DSG2: variants seen among roughly 807,000 people sequenced by gnomAD.
DSG2 encodes the protein desmoglein-2.
In DSG2, 45 loss-of-function variants were observed where a neutral mutation model predicts 75.6. The observed-to-expected ratio is 0.60, with a 90% CI of 0.47 to 0.76. The LOEUF (loss-of-function observed/expected upper bound fraction) is 0.76. Ranked by LOEUF, DSG2 falls within the 30% of genes least tolerant of loss-of-function variation. The probability of loss-of-function intolerance (pLI) is 0.00; values close to 1 mark genes in which losing one functional copy is unlikely to be tolerated. For synonymous variants in DSG2, 429 were observed against 483.9 expected, an observed-to-expected ratio of 0.89 and a Z score of 1.49; for missense variants, 1,267 against 1,357.4, an observed-to-expected ratio of 0.93 and a Z score of 1.05.
Position 31,541,231 on chromosome 18 carries a change from G to T in DSG2, c.1918G>T (p.Gly640Cys), listed in dbSNP as rs2144350648. 1 of 1,614,178 alleles carries T rather than the reference G, an allele frequency of 6.2e-7. No homozygotes were observed. Among genetic ancestry groups the T allele is most frequent in the South Asian group, 1.1e-5 (1 of 91,084 alleles). ...ACTGCTGATGTGCCATTGCGGAAAGGGCGCCAAAGGCTTTACCCCCATACC... is the reference window on the plus strand; with the variant it reads ...ACTGCTGATGTGCCATTGCGGAAAGTGCGCCAAAGGCTTTACCCCCATACC... ...LLLLMCHCGK[G>C]AKGFTPIPGT... Residue 640 changes from glycine (G) to cysteine (C), a missense_variant, in exon 13 of 15, where the codon GGC becomes TGC. Gly to Cys is a radical substitution (Grantham distance 159, BLOSUM62 -3). Coordinates refer to ENST00000261590, the MANE Select transcript of DSG2 (RefSeq NM_001943.5).
intron 8 of DSG2, among the ~76,000 whole-genome samples, 160 bp downstream of exon 8, chr18:31,525,048 G>A (rs543368928): frequency 5.9e-5 from 9 of 152,310 alleles, no homozygotes; most frequent in East Asian, 1.9e-4. Flanking sequence ...CAAGTTCTGT[G>A]GTTAGGAAGT....
Position 31,521,178 on chromosome 18 carries a change from A to G in DSG2, c.458A>G (p.Asn153Ser), listed in dbSNP as rs375597675. Reference sequence around the variant, plus strand: ...CTACGCATTAAGGTTCTTGATATCAATGACAACGAACCAGTGTTCACACAG... The same window carrying G: ...CTACGCATTAAGGTTCTTGATATCAGTGACAACGAACCAGTGTTCACACAG... ...LELRIKVLDI[N>S]DNEPVFTQDV... The change falls in exon 5 of 15, where the codon AAT becomes AGT. Residue 153 changes from asparagine (N) to serine (S), a missense_variant. By Grantham distance (46) the Asn-to-Ser change is conservative (BLOSUM62 1). Coordinates refer to ENST00000261590, the MANE Select transcript of DSG2 (RefSeq NM_001943.5). 3 of 1,613,850 alleles carry G rather than the reference A, an allele frequency of 1.9e-6. No individual in the cohort carries two copies. Among genetic ancestry groups the G allele is most frequent in the African/African-American group, 2.7e-5 (2 of 74,882 alleles).
At chr18:31,499,500 C>T (rs1451691291) in intron 1 of DSG2, among the ~76,000 whole-genome samples, 2 of 152,100 alleles carry the variant, frequency 1.3e-5, no homozygotes, top group Admixed American at 6.5e-5. Context: ...CATTTTCATG[C>T]TCTATTTATC....
At chr18:31,514,234 A>T (rs190222923) in intron 1 of DSG2, among the ~76,000 whole-genome samples, 47 of 152,338 alleles carry the variant, frequency 3.1e-4, no homozygotes, top group African/African-American at 1.1e-3. Context: ...ATATGAGGAA[A>T]TTGGAGAAAG....
chr18:31,533,611 T>A (rs1453736480), intron 9 of DSG2, among the ~76,000 whole-genome samples: 2 of 152,242 alleles, frequency 1.3e-5, no homozygotes, highest in African/African-American at 4.8e-5. Flanking sequence ...CATTGTGAAA[T>A]GTAATCCCTA....
At chr18:31,526,666 G>T (rs2073164662) in intron 8 of DSG2, among the ~76,000 whole-genome samples, 1 of 152,172 alleles carries the variant, frequency 6.6e-6, no homozygotes, top group African/African-American at 2.4e-5. Flanking sequence ...GAAACAGTCA[G>T]ATATTGATGA....
intron 1 of DSG2, among the ~76,000 whole-genome samples, chr18:31,517,322 T>G (rs2073099838): frequency 6.6e-6 from 1 of 152,142 alleles, no homozygotes; most frequent in Admixed American, 6.6e-5. Context: ...AATATATGGT[T>G]TGATAGAAGA....
intron 1 of DSG2, among the ~76,000 whole-genome samples, chr18:31,501,250 G>A (rs1414857311): frequency 1.3e-5 from 2 of 152,158 alleles, no homozygotes; most frequent in Non-Finnish European, 2.9e-5. Flanking sequence ...TCGCCAGATT[G>A]CCAAGGAGGG....
intron 9 of DSG2, among the ~76,000 whole-genome samples, chr18:31,532,842 C>G (rs1028839842): frequency 5.9e-5 from 9 of 152,176 alleles, no homozygotes; most frequent in African/African-American, 1.9e-4. Flanking sequence ...TAATTATATA[C>G]CAATAATATG....
At chr18:31,532,463 G>T (rs2073204365) in intron 9 of DSG2, among the ~76,000 whole-genome samples, 1 of 152,172 alleles carries the variant, frequency 6.6e-6, no homozygotes, top group South Asian at 2.1e-4. Context: ...CAGTCCCTGT[G>T]TACCAGTGCT....
intron 10 of DSG2, among the ~76,000 whole-genome samples, chr18:31,535,674 G>A (rs1186407033): frequency 3.3e-5 from 5 of 151,658 alleles, no homozygotes; most frequent in Non-Finnish European, 7.4e-5. Context: ...TGCATCTGTA[G>A]TCCCAGCTAC....
intron 10 of DSG2, among the ~76,000 whole-genome samples, chr18:31,535,623 G>A (rs527399922): frequency 5.9e-5 from 9 of 152,072 alleles, no homozygotes; most frequent in African/African-American, 1.2e-4. Context: ...GTGAAACCCC[G>A]TCTCTACTAA....
chr18:31,541,453 G>C, intron 13 of DSG2, 139 bp downstream of exon 13: 2 of 1,140,204 alleles, frequency 1.8e-6, no homozygotes, highest in Non-Finnish European at 2.5e-6. Context: ...TAAGCAAAGA[G>C]TTCAAATGAC....
At chr18:31,515,724 C>T (rs1471062866) in intron 1 of DSG2, among the ~76,000 whole-genome samples, 1 of 152,140 alleles carries the variant, frequency 6.6e-6, no homozygotes, top group East Asian at 1.9e-4. Context: ...CCCAGAGAAG[C>T]CCACACTAGA....
At chr18:31,537,281 A>T (rs756629929) in intron 11 of DSG2, among the ~76,000 whole-genome samples, 2 of 152,202 alleles carry the variant, frequency 1.3e-5, no homozygotes, top group Non-Finnish European at 2.9e-5. Flanking sequence ...GTATTTACAG[A>T]TTTAATATAT....
At chr18:31,511,454 G>A (rs1429146248) in intron 1 of DSG2, among the ~76,000 whole-genome samples, 3 of 152,224 alleles carry the variant, frequency 2.0e-5, no homozygotes, top group Admixed American at 1.3e-4. Context: ...TGTGTTCTGT[G>A]AGATAGAGGA....
At chr18:31,516,871 G>C (rs931395486) in intron 1 of DSG2, among the ~76,000 whole-genome samples, 1 of 152,204 alleles carries the variant, frequency 6.6e-6, no homozygotes, top group Non-Finnish European at 1.5e-5. Context: ...CAGTCTGCTA[G>C]CTGCTCCGGT....
Position 31,515,242 on chromosome 18 carries a change from A to G in DSG2, c.46-2997A>G, listed in dbSNP as rs976976312. Among the ~76,000 whole-genome samples the G allele has an allele frequency of 3.9e-5, 6 of 152,090 alleles. No individual in the cohort carries two copies. The East Asian group carries it at 9.7e-4, about 24-fold the overall frequency. On this transcript the variant is annotated intron_variant, in intron 1 of 14. Transcript: ENST00000261590. Reference sequence around the variant, plus strand: ...CTCAGCCTCTCGAGTAGCTGGGACTACAGGCACCCACCACCACGGGCAGCT... The same window carrying G: ...CTCAGCCTCTCGAGTAGCTGGGACTGCAGGCACCCACCACCACGGGCAGCT...
In DSG2 at chr18:31,515,696, C is replaced by T. The variant is rs1019438510; in HGVS notation, c.46-2543C>T. On this transcript the variant is annotated intron_variant, in intron 1 of 14. Coordinates refer to ENST00000261590, the MANE Select transcript of DSG2 (RefSeq NM_001943.5). ...ATCTGATCATAAAATAGAGAATTAGCCATGATTGTTCATCTGCCCCAGAGA... is the reference window on the plus strand; with the variant it reads ...ATCTGATCATAAAATAGAGAATTAGTCATGATTGTTCATCTGCCCCAGAGA... Among the ~76,000 whole-genome samples, 8 of 152,138 alleles carry T rather than the reference C, an allele frequency of 5.3e-5. No individual in the cohort carries two copies. The South Asian group carries it at 6.2e-4, about 12-fold the overall frequency.
Sources: allele counts gnomAD v4.1 joint callset (sites outside exome capture counted in the v4.1 genomes callset), GRCh38; gene constraint gnomAD v4.1.1; transcripts MANE v1.5; gene names NCBI Gene and HGNC (gene_info 2026-07-23, HGNC 2026-07-21).